Variants in IGSF3 observed in about 807,000 individuals in gnomAD.
IGSF3 encodes the protein glu-Trp-Ile EWI motif-containing protein 3.
IGSF3 carries 23 observed loss-of-function variants against 114.4 expected under a neutral mutation model. The observed-to-expected ratio is 0.20, with a 90% CI of 0.14 to 0.28. IGSF3 has a LOEUF of 0.28. Ranked by LOEUF, IGSF3 falls within the 10% of genes least tolerant of loss-of-function variation. The probability of loss-of-function intolerance (pLI) is 1.00; values close to 1 mark genes in which losing one functional copy is unlikely to be tolerated. For missense variants in IGSF3, 1,172 were observed against 1,591.5 expected (o/e 0.74, Z 4.48); for synonymous variants, 571 against 645.2 (o/e 0.88, Z 1.74).
In IGSF3 at chr1:116,649,540, C is replaced by T. The variant is rs1648540751; in HGVS notation, c.43+16744G>A. ...CCTAAAATCTTCCTCTTCCATCTTCCTCCCCTAGATATCCATCTTACCCTT... is the reference window on the plus strand; with the variant it reads ...CCTAAAATCTTCCTCTTCCATCTTCTTCCCCTAGATATCCATCTTACCCTT... On this transcript the variant is annotated intron_variant, in intron 2 of 10. Coordinates refer to ENST00000369486, the MANE Select transcript of IGSF3 (RefSeq NM_001007237.3). The surrounding 1 kb of genome is among the most constrained non-coding windows in gnomAD (Gnocchi z 4.5). 6.6e-6 allele frequency among the ~76,000 whole-genome samples: 1 copy of T among 152,228 alleles called. No homozygotes were observed. Among genetic ancestry groups the T allele is most frequent in the African/African-American group, 2.4e-5 (1 of 41,460 alleles).
chr1:116,599,957 G>C lies in IGSF3; in HGVS notation c.2013C>G (p.Ile671Met), dbSNP rs767703628. Residue 671 changes from isoleucine (I) to methionine (M), a missense_variant, in exon 7 of 11, where the codon ATC becomes ATG. Transcript: ENST00000369486. Reference sequence around the variant, plus strand: ...AGCACTCACCTGGCTGCAGCACCCTGATCTCCAGCAGGTTGGAGGTCCTCT... The same window carrying C: ...AGCACTCACCTGGCTGCAGCACCCTCATCTCCAGCAGGTTGGAGGTCCTCT... ...LAERTSNLLE[I>M]RVLQPVTKLQ... is the part of the protein sequence containing the mutation. 3 of 1,612,182 alleles carry C rather than the reference G, an allele frequency of 1.9e-6. No individual in the cohort carries two copies. The highest frequency in any genetic ancestry group is 2.5e-6 in the Non-Finnish European group (3 of 1,178,724).
chr1:116,589,736 A>G lies in IGSF3; in HGVS notation c.2030-632T>C, dbSNP rs1273651634. 4.6e-5 allele frequency among the ~76,000 whole-genome samples: 7 copies of G among 152,056 alleles called. No homozygotes were observed. Among genetic ancestry groups the G allele is most frequent in the Admixed American group, 2.6e-4 (4 of 15,278 alleles). ...ATATCTCTGGGCTGTGTGTCCTCAC[A>G]TCTCTCTCCCATATCCTAGATGGTG... is the stretch of plus-strand genomic sequence containing the variant. On this transcript the variant is annotated intron_variant, in intron 7 of 10. Coordinates refer to ENST00000369486, the MANE Select transcript of IGSF3 (RefSeq NM_001007237.3). The surrounding 1 kb of genome is among the most constrained non-coding windows in gnomAD (Gnocchi z 5.7).
Position 116,600,557 on chromosome 1 carries a change from C to A in IGSF3, c.1625-212G>T, listed in dbSNP as rs994861066. Among the ~76,000 whole-genome samples, 7 of 151,796 alleles carry A rather than the reference C, an allele frequency of 4.6e-5. 1 individual carries two copies. The highest frequency in any genetic ancestry group is 1.7e-4 in the African/African-American group (7 of 41,086). Reference sequence around the variant, plus strand: ...CTCCAAAGAAAGGCCCACCACAATTCCCCCTGAGCAGCACTAGCCTAACCC... The same window carrying A: ...CTCCAAAGAAAGGCCCACCACAATTACCCCTGAGCAGCACTAGCCTAACCC... On this transcript the variant is annotated intron_variant, in intron 6 of 10. Coordinates refer to ENST00000369486, the MANE Select transcript of IGSF3 (RefSeq NM_001007237.3). This position sits in a 1 kb window ranked among gnomAD's most constrained non-coding sequence, Gnocchi z 5.5.
intron 2 of IGSF3, among the ~76,000 whole-genome samples, chr1:116,640,037 C>CAAAAA (rs34003833): frequency 1.1e-4 from 7 of 65,124 alleles, no homozygotes; most frequent in Non-Finnish European, 1.2e-4. Context: ...GACTCTATCT[C>CAAAAA]AAAAAAAAAA....
At chr1:116,658,944 C>A (rs886933988) in intron 2 of IGSF3, among the ~76,000 whole-genome samples, 4 of 152,192 alleles carry the variant, frequency 2.6e-5, no homozygotes, top group African/African-American at 9.7e-5. Context: ...TCGGCAAAGC[C>A]TTGGTCGTCT....
chr1:116,628,838 C>T lies in IGSF3; in HGVS notation c.44-12381G>A, dbSNP rs574753226. 3.3e-5 allele frequency among the ~76,000 whole-genome samples: 5 copies of T among 152,276 alleles called. No individual in the cohort carries two copies. The highest frequency in any genetic ancestry group is 6.5e-5 in the Admixed American group (1 of 15,294). ...ACATTTTCCCTATTCAATTCAAGGA[C>T]CATGTTCTTGAGCATAACTATGACC... On this transcript the variant is annotated intron_variant, in intron 2 of 10. Transcript: ENST00000369486. The surrounding 1 kb of genome is among the most constrained non-coding windows in gnomAD (Gnocchi z 4.2).
At position 116,665,235 on chromosome 1, in the gene IGSF3, G is replaced by A. The variant is rs115290504; in HGVS notation, c.43+1049C>T. Among the ~76,000 whole-genome samples the A allele has an allele frequency of 3.3e-3, 502 of 152,244 alleles. 3 individuals are homozygous for A. Among genetic ancestry groups the A allele is most frequent in the African/African-American group, 0.012 (485 of 41,530 alleles). On this transcript the variant is annotated intron_variant, in intron 2 of 10. Transcript: ENST00000369486. The surrounding 1 kb of genome is among the most constrained non-coding windows in gnomAD (Gnocchi z 4.0). ...TACCTACTGCAAGGGTGTAGACAAT[G>A]CATGGAAGCAATCTCCACTGCCAAC...
In IGSF3 at chr1:116,615,184, G is replaced by A. The variant is rs1264289904; in HGVS notation, c.421+896C>T. On this transcript the variant is annotated intron_variant, in intron 3 of 10. Transcript: ENST00000369486. The surrounding 1 kb of genome is among the most constrained non-coding windows in gnomAD (Gnocchi z 4.3). ...AGCTACTCGGGAGGCTGAGGCAGAA[G>A]AATTGCTTGAACCCGGGAGGTGGAG... Among the ~76,000 whole-genome samples the A allele has an allele frequency of 6.6e-6, 1 of 152,076 alleles. No homozygotes were observed. The highest frequency in any genetic ancestry group is 1.5e-5 in the Non-Finnish European group (1 of 68,028).
chr1:116,639,454 A>T (rs1305525873), intron 2 of IGSF3, among the ~76,000 whole-genome samples: 1 of 152,182 alleles, frequency 6.6e-6, no homozygotes, highest in Admixed American at 6.5e-5. Flanking sequence ...TAAGCAAACC[A>T]CAGGTGTGGA....
rs1553212637 is a variant in IGSF3, at chr1:116,600,160, C to T, written c.1810G>A (p.Val604Ile). 4 of 1,614,078 alleles carry T rather than the reference C, an allele frequency of 2.5e-6. No homozygotes were observed. Among genetic ancestry groups the T allele is most frequent in the Non-Finnish European group, 3.4e-6 (4 of 1,179,978 alleles). The stretch of plus-strand genomic sequence containing the variant: ...CTGGAGGACCTGTCCCCCCACTGGA[C>T]CCCTCCGTCCCGGGTGAAGGTCACC... ...DLVTFTRDGG[V>I]QWGDRSSSFR... The change falls in exon 7 of 11, where the codon GTC (valine) becomes ATC (isoleucine). Residue 604 changes from valine (V) to isoleucine (I), a missense_variant. Coordinates refer to ENST00000369486, the MANE Select transcript of IGSF3 (RefSeq NM_001007237.3). This position sits in a 1 kb window ranked among gnomAD's most constrained non-coding sequence, Gnocchi z 5.5.
At position 116,577,474 on chromosome 1, in the gene IGSF3, G is replaced by A. The variant is rs756284283; in HGVS notation, c.3423C>T (p.Ile1141=). The A allele has an allele frequency of 1.2e-6, 2 of 1,614,070 alleles. No homozygotes were observed. The highest frequency in any genetic ancestry group is 1.7e-5 in the Admixed American group (1 of 60,004). The change falls in exon 11 of 11, where the codon ATC becomes ATT. Residue 1141 remains isoleucine (I), a synonymous_variant. Coordinates refer to ENST00000369486, the MANE Select transcript of IGSF3 (RefSeq NM_001007237.3). This position sits in a 1 kb window ranked among gnomAD's most constrained non-coding sequence, Gnocchi z 5.7. ...TGAAACGCACCAGAAGGATGGTGAT[G>A]ATAAGAATGCCAAAGATGGGGAAAG... ...FYPFPIFGIL[I]ITILLVRFKS...
intron 2 of IGSF3, among the ~76,000 whole-genome samples, chr1:116,639,470 G>A (rs994207863): frequency 3.9e-5 from 6 of 152,272 alleles, no homozygotes; most frequent in African/African-American, 1.4e-4. Flanking sequence ...GTGGAGACAG[G>A]TCCCAACCAC....
rs1647343851 is a variant in IGSF3 at position 116,627,425 on chromosome 1, GCCA to G, written c.44-10971_44-10969del. On this transcript the variant is annotated intron_variant, in intron 2 of 10. Transcript: ENST00000369486. The surrounding 1 kb of genome is among the most constrained non-coding windows in gnomAD (Gnocchi z 4.7). ...ATTTCAAACAGTCCCTCTACTGGCC[GCCA>G]CCACCACCCTCTCCTAAAGAGGACT... Among the ~76,000 whole-genome samples the G allele has an allele frequency of 6.6e-6, 1 of 152,066 alleles. No homozygotes were observed. Among genetic ancestry groups the G allele is most frequent in the Non-Finnish European group, 1.5e-5 (1 of 68,002 alleles).
At chr1:116,663,455 C>T (rs1008159060) in intron 2 of IGSF3, among the ~76,000 whole-genome samples, 3 of 151,906 alleles carry the variant, frequency 2.0e-5, no homozygotes, top group Admixed American at 2.0e-4. Context: ...CAACCAGAGC[C>T]AGGCTTAAAT....
At chr1:116,597,118 A>C (rs1287596804) in intron 7 of IGSF3, among the ~76,000 whole-genome samples, 1 of 152,214 alleles carries the variant, frequency 6.6e-6, no homozygotes, top group Non-Finnish European at 1.5e-5. Flanking sequence ...CTGGATTCAA[A>C]TCCCAACTTC....
In IGSF3 at chr1:116,607,755, C is replaced by G. The variant is rs548376304; in HGVS notation, c.1222+187G>C. 1.3e-5 allele frequency among the ~76,000 whole-genome samples: 2 copies of G among 152,196 alleles called. No individual in the cohort carries two copies. The highest frequency in any genetic ancestry group is 2.9e-5 in the Non-Finnish European group (2 of 68,034). On this transcript the variant is annotated intron_variant, in intron 5 of 10. Transcript: ENST00000369486. This position sits in a 1 kb window ranked among gnomAD's most constrained non-coding sequence, Gnocchi z 6.1. ...GATCCTGATCCTCTGCTATGGGGAGCCTGCTACATGTATGCAGGTGGGCTA... is the reference window on the plus strand; with the variant it reads ...GATCCTGATCCTCTGCTATGGGGAGGCTGCTACATGTATGCAGGTGGGCTA...
rs368587577 is a variant in IGSF3 at position 116,656,868 on chromosome 1, C to T, written c.43+9416G>A. ...ACTCAAACCCGGGAGGCGGAGGTTG[C>T]AGTGAGCCAAGATTGTGCCACTGCA... is the stretch of plus-strand genomic sequence containing the variant. On this transcript the variant is annotated intron_variant, in intron 2 of 10. Coordinates refer to ENST00000369486, the MANE Select transcript of IGSF3 (RefSeq NM_001007237.3). Among the ~76,000 whole-genome samples, 41 of 152,210 alleles carry T rather than the reference C, an allele frequency of 2.7e-4. 3 individuals carry two copies. The East Asian group carries it at 4.7e-3, about 17-fold the overall frequency.
In IGSF3 at chr1:116,642,466, C is replaced by T. The variant is rs907180065; in HGVS notation, c.43+23818G>A. 6.6e-6 allele frequency among the ~76,000 whole-genome samples: 1 copy of T among 152,100 alleles called. No individual in the cohort carries two copies. Among genetic ancestry groups the T allele is most frequent in the Non-Finnish European group, 1.5e-5 (1 of 68,010 alleles). ...GGGAAGGGGCTCAGGCACTGGGAGT[C>T]GGTCAGGGCTCCCAGAATGTAAAAG... On this transcript the variant is annotated intron_variant, in intron 2 of 10. Coordinates refer to ENST00000369486, the MANE Select transcript of IGSF3 (RefSeq NM_001007237.3). This position sits in a 1 kb window ranked among gnomAD's most constrained non-coding sequence, Gnocchi z 5.4.
rs757724823 is a variant in IGSF3, at chr1:116,665,226, G to T, written c.43+1058C>A. 2.0e-5 allele frequency among the ~76,000 whole-genome samples: 3 copies of T among 152,200 alleles called. No homozygotes were observed. The highest frequency in any genetic ancestry group is 4.4e-5 in the Non-Finnish European group (3 of 68,040). On this transcript the variant is annotated intron_variant, in intron 2 of 10. Transcript: ENST00000369486. This position sits in a 1 kb window ranked among gnomAD's most constrained non-coding sequence, Gnocchi z 4.0. ...CACACCTGTTACCTACTGCAAGGGT[G>T]TAGACAATGCATGGAAGCAATCTCC...
Sources: gnomAD v4.1 joint callset for allele counts (sites outside exome capture counted in the v4.1 genomes callset) on GRCh38, gnomAD v4.1.1 for gene constraint, Gnocchi (gnomAD v3.1) non-coding constraint, MANE v1.5 for transcripts, NCBI Gene and HGNC (gene_info 2026-07-23, HGNC 2026-07-21) for gene names.